The following ARHGAP8 variants were observed in gnomAD, a reference collection of about 807,000 sequenced individuals.
ARHGAP8 encodes the protein Rho GTPase activating protein 8.
In ARHGAP8, 62 loss-of-function variants were observed where a neutral mutation model predicts 46.1. The observed-to-expected ratio is 1.34, with a 90% CI of 1.10 to 1.66. ARHGAP8 has a LOEUF of 1.66. ARHGAP8 is among the 40% of genes most tolerant of loss of function. The probability of loss-of-function intolerance (pLI) is 0.00; values close to 1 mark genes in which losing one functional copy is unlikely to be tolerated. For missense variants in ARHGAP8, 923 were observed against 568.4 expected (o/e 1.62, Z -6.34); for synonymous variants, 375 against 243.1 (o/e 1.54, Z -5.05).
chr22:44,846,751 G>C (rs575262657), intron 8 of ARHGAP8, among the ~76,000 whole-genome samples: 1 of 152,108 alleles, frequency 6.6e-6, no homozygotes, highest in Admixed American at 6.5e-5. Flanking sequence ...TGCCTCCCTC[G>C]TGCCAGACTC....
chr22:44,772,253 T>TCC (rs1335962790), intron 1 of ARHGAP8, among the ~76,000 whole-genome samples: 1 of 73,254 alleles, frequency 1.4e-5, no homozygotes, highest in African/African-American at 4.8e-5. Flanking sequence ...TTTTTTTTTT[T>TCC]CAAGACTGAG....
In ARHGAP8 at chr22:44,847,880, T is replaced by G. The variant is rs562125669; in HGVS notation, c.671-93T>G. 144 of 1,500,728 alleles carry G rather than the reference T, an allele frequency of 9.6e-5. No homozygotes were observed. The African/African-American group carries it at 1.7e-3, about 18-fold the overall frequency. The allele number at this position is 1,500,728 out of a possible 1,614,324, so 93.0% of individuals were successfully genotyped here. A position where few individuals can be genotyped will look rare whatever the true frequency, so the allele number is the denominator to read the frequency against. On this transcript the variant is annotated intron_variant, in intron 8 of 11. Coordinates refer to ENST00000356099, the MANE Select transcript of ARHGAP8 (RefSeq NM_181335.3). ...TAAATGTGTGGAGGCCAGCCACAGG[T>G]GGGTGATGCCGTGGGCAGGGGAGTG...
chr22:44,753,761 G>C (rs1173323670), intron 1 of ARHGAP8, among the ~76,000 whole-genome samples: 1 of 152,090 alleles, frequency 6.6e-6, no homozygotes, highest in East Asian at 1.9e-4. Flanking sequence ...TGGCGGGATG[G>C]GGACAGCACC....
At chr22:44,785,798 T>C (rs1022959748) in intron 1 of ARHGAP8, among the ~76,000 whole-genome samples, 3 of 152,172 alleles carry the variant, frequency 2.0e-5, no homozygotes, top group African/African-American at 4.8e-5. Flanking sequence ...GGGCAGCCTT[T>C]TCTTTCTTCC....
rs34957650 is a variant in ARHGAP8 at position 44,787,029 on chromosome 22, C to CAAAAAAAAAAAAAAA, written c.79+430_79+431insAAAAAAAAAAAAAAA. 1.7e-4 allele frequency among the ~76,000 whole-genome samples: 16 copies of CAAAAAAAAAAAAAAA among 94,812 alleles called. 1 individual carries two copies. The highest frequency in any genetic ancestry group is 3.2e-4 in the South Asian group (1 of 3,078). The allele number at this position is 94,812 out of a possible 152,430, so 62.2% of individuals were successfully genotyped here. A position where few individuals can be genotyped will look rare whatever the true frequency, so the allele number is the denominator to read the frequency against. On this transcript the variant is annotated intron_variant, in intron 2 of 11. Transcript: ENST00000356099. ...GTGACAGAGTGGTGAGACCCTGTCTCAAAAAAACAAAAAAAAAAAAAAGAA... is the reference window on the plus strand; with the variant it reads ...GTGACAGAGTGGTGAGACCCTGTCTCAAAAAAAAAAAAAAAAAAAAAACAAAAAAAAAAAAAAGAA...
intron 3 of ARHGAP8, 127 bp from the exon 4 acceptor site, chr22:44,808,180 T>G: frequency 7.0e-7 from 1 of 1,435,118 alleles, no homozygotes; most frequent in Non-Finnish European, 9.3e-7. Flanking sequence ...CCACGGTGCA[T>G]GGAGTCTCCA....
At chr22:44,823,736 T>A (rs926338819) in intron 6 of ARHGAP8, among the ~76,000 whole-genome samples, 1 of 152,026 alleles carries the variant, frequency 6.6e-6, no homozygotes, top group Non-Finnish European at 1.5e-5. Context: ...GTAACTCACA[T>A]CCTCCTGTGT....
At position 44,827,336 on chromosome 22, in the gene ARHGAP8, G is replaced by GTTTTTTTTTTTTTTT. The variant is rs796490147; in HGVS notation, c.596+1755_596+1769dup. The stretch of plus-strand genomic sequence containing the variant: ...GGTGAGATAATACATTTGGGTGGTG[G>GTTTTTTTTTTTTTTT]TTTTTTTTTTTTTTTTTTTTTTTTT... On this transcript the variant is annotated intron_variant, in intron 7 of 11. Transcript: ENST00000356099. Among the ~76,000 whole-genome samples the GTTTTTTTTTTTTTTT allele has an allele frequency of 3.0e-3, 205 of 67,260 alleles. 45 individuals carry two copies. The highest frequency in any genetic ancestry group is 0.011 in the African/African-American group (193 of 17,068). 44.1% of individuals were successfully genotyped at this position (67,260 alleles called of 152,430 possible).
intron 8 of ARHGAP8, among the ~76,000 whole-genome samples, chr22:44,845,553 C>T (rs2069933929): frequency 1.8e-5 from 1 of 54,558 alleles, no homozygotes. Flanking sequence ...TGACCTGGGG[C>T]AGTTACCCTC....
intron 3 of ARHGAP8, 134 bp from the exon 4 acceptor site, chr22:44,808,173 C>T (rs769749022): frequency 4.4e-6 from 6 of 1,352,866 alleles, no homozygotes; most frequent in South Asian, 3.0e-5. Flanking sequence ...CCGGGGCCCA[C>T]GGTGCATGGA....
intron 1 of ARHGAP8, among the ~76,000 whole-genome samples, chr22:44,779,485 C>G (rs556261734): frequency 1.1e-4 from 17 of 152,162 alleles, no homozygotes; most frequent in African/African-American, 3.4e-4. Context: ...TGGCATGTAA[C>G]ATCCCGCTGT....
At chr22:44,827,344 T>TTTTG in intron 7 of ARHGAP8, among the ~76,000 whole-genome samples, 1 of 117,056 alleles carries the variant, frequency 8.5e-6, no homozygotes, top group Non-Finnish European at 1.7e-5. Context: ...TGGTTTTTTT[T>TTTTG]TTTTTTTTTT....
chr22:44,755,737 A>G lies in ARHGAP8; in HGVS notation c.-72+3110A>G, dbSNP rs1924617317. On this transcript the variant is annotated intron_variant, in intron 1 of 11. Coordinates refer to ENST00000356099, the MANE Select transcript of ARHGAP8 (RefSeq NM_181335.3). The stretch of plus-strand genomic sequence containing the variant: ...TTGGGCCCCCATTTTCTCACCTCTC[A>G]GATGGGTGTCATAAACCATCGGTTT... Among the ~76,000 whole-genome samples the G allele has an allele frequency of 2.6e-5, 4 of 152,322 alleles. No individual in the cohort carries two copies. In the South Asian group the frequency reaches 6.2e-4, roughly 24 times the overall value.
chr22:44,836,447 T>G (rs1931292200), intron 7 of ARHGAP8, among the ~76,000 whole-genome samples: 1 of 151,950 alleles, frequency 6.6e-6, no homozygotes. Context: ...GCTGTGTGAC[T>G]CCAGACATAA....
chr22:44,799,821 G>A (rs1283751734), intron 2 of ARHGAP8, among the ~76,000 whole-genome samples: 4 of 133,692 alleles, frequency 3.0e-5, no homozygotes, highest in Non-Finnish European at 6.4e-5. Context: ...AATCCAGGGG[G>A]TGGGGGGTGG....
chr22:44,758,155 G>A (rs376504143), intron 1 of ARHGAP8, among the ~76,000 whole-genome samples: 61 of 152,160 alleles, frequency 4.0e-4, no homozygotes, highest in African/African-American at 1.4e-3. Flanking sequence ...ATCTTTCTGT[G>A]AAGAGGCATC....
intron 1 of ARHGAP8, among the ~76,000 whole-genome samples, chr22:44,756,450 A>G (rs912397149): frequency 2.0e-5 from 3 of 151,948 alleles, no homozygotes; most frequent in Non-Finnish European, 4.4e-5. Flanking sequence ...AAGAGGGTTT[A>G]TTTTTTCATT....
chr22:44,858,404 G>A (rs1454685645), intron 10 of ARHGAP8, among the ~76,000 whole-genome samples: 1 of 146,056 alleles, frequency 6.8e-6, no homozygotes, highest in African/African-American at 2.6e-5. Context: ...TTTCACTCTT[G>A]TTGCCCAGGC....
At chr22:44,859,078 G>T (rs1601531984) in intron 10 of ARHGAP8, among the ~76,000 whole-genome samples, 2 of 150,944 alleles carry the variant, frequency 1.3e-5, no homozygotes, top group Non-Finnish European at 3.0e-5. Context: ...GCCAACCCCT[G>T]GTCTAGACCA....
Sources: allele counts gnomAD v4.1 joint callset (sites outside exome capture counted in the v4.1 genomes callset), GRCh38; gene constraint gnomAD v4.1.1; transcripts MANE v1.5; gene names NCBI Gene and HGNC (gene_info 2026-07-23, HGNC 2026-07-21).